The following DOCK2 variants were observed in gnomAD, a reference collection of about 807,000 sequenced individuals.
The protein encoded by DOCK2 is dedicator of cytokinesis protein 2.
A neutral mutation model predicts 248.9 loss-of-function variants in DOCK2; 87 were observed. The ratio of observed to expected loss-of-function variants is 0.35; its 90% confidence interval spans 0.29 to 0.42. DOCK2 has a LOEUF of 0.42. Among genes scored for constraint, DOCK2 ranks in the 10% least tolerant of loss-of-function variants. The probability of loss-of-function intolerance (pLI) is 1.00; values close to 1 mark genes in which losing one functional copy is unlikely to be tolerated. For missense variants in DOCK2, 1,747 were observed against 2,300.2 expected (o/e 0.76, Z 4.92); for synonymous variants, 805 against 821.6 (o/e 0.98, Z 0.35).
intron 26 of DOCK2, among the ~76,000 whole-genome samples, chr5:169,825,612 G>A (rs1463611920): frequency 3.3e-4 from 40 of 122,490 alleles, no homozygotes; most frequent in African/African-American, 1.1e-3. Context: ...ACACACTGGG[G>A]CCTGTTGTGG....
At chr5:169,815,672 G>A (rs1768026255) in intron 26 of DOCK2, among the ~76,000 whole-genome samples, 1 of 152,134 alleles carries the variant, frequency 6.6e-6, no homozygotes, top group African/African-American at 2.4e-5. Flanking sequence ...ATTGCATTAA[G>A]TGTTAATTTT....
chr5:169,693,634 A>G (rs1177673662), intron 9 of DOCK2, among the ~76,000 whole-genome samples: 1 of 152,166 alleles, frequency 6.6e-6, no homozygotes, highest in African/African-American at 2.4e-5. Context: ...TGCCTGCAGA[A>G]GAAGGCAAGG....
chr5:169,920,324 T>C (rs1049949243), intron 27 of DOCK2, among the ~76,000 whole-genome samples: 18 of 152,202 alleles, frequency 1.2e-4, no homozygotes, highest in African/African-American at 4.3e-4. Context: ...TTATATGCAA[T>C]TAGAAGTGTG....
rs199995403 is a variant in DOCK2 at position 170,008,571 on chromosome 5, C to T, written c.3147C>T (p.His1049=). 4.3e-5 allele frequency: 69 copies of T among 1,614,114 alleles called. No individual in the cohort carries two copies. Among genetic ancestry groups the T allele is most frequent in the South Asian group, 4.2e-4 (38 of 91,086 alleles). ...QDSLQLEQFS[H]AKYNKILNKY... ...CTCTGCAGCTGGAGCAGTTCTCACA[C>T]GCCAAATACAACAAAATCCTGAATA... Residue 1049 remains histidine, a synonymous_variant, in exon 31 of 52, where the codon CAC becomes CAT. Transcript: ENST00000520908.
chr5:170,022,395 T>C (rs1008364794), intron 33 of DOCK2, among the ~76,000 whole-genome samples: 1 of 152,212 alleles, frequency 6.6e-6, no homozygotes, highest in East Asian at 1.9e-4. Context: ...GTTTCTTTTA[T>C]AAGCTCTGTG....
chr5:169,692,565 C>A (rs1478217807), intron 9 of DOCK2, among the ~76,000 whole-genome samples: 1 of 149,110 alleles, frequency 6.7e-6, no homozygotes. Context: ...TGAGACAGCT[C>A]TAAGAGGTCT....
chr5:169,657,039 A>C (rs1220722971), intron 2 of DOCK2, among the ~76,000 whole-genome samples: 1 of 152,242 alleles, frequency 6.6e-6, no homozygotes, highest in Non-Finnish European at 1.5e-5. Flanking sequence ...ATAATTTATT[A>C]ATTATTTGAA....
intron 3 of DOCK2, among the ~76,000 whole-genome samples, chr5:169,669,794 CT>C: frequency 6.6e-6 from 1 of 152,320 alleles, no homozygotes; most frequent in South Asian, 2.1e-4. Context: ...CAGGCGCTTG[CT>C]TTGCTTGTCT....
chr5:169,645,078 G>C (rs1332279468), intron 1 of DOCK2, among the ~76,000 whole-genome samples: 2 of 152,126 alleles, frequency 1.3e-5, no homozygotes, highest in Non-Finnish European at 2.9e-5. Context: ...AGTGTTTGTT[G>C]TTGTAAATAG....
intron 25 of DOCK2, among the ~76,000 whole-genome samples, chr5:169,772,804 G>A (rs571127690): frequency 7.9e-5 from 12 of 152,188 alleles, no homozygotes; most frequent in East Asian, 3.9e-4. Flanking sequence ...CCCCCAGTAC[G>A]TCTCAGCATC....
intron 22 of DOCK2, among the ~76,000 whole-genome samples, chr5:169,737,717 C>T (rs1763110668): frequency 6.6e-6 from 1 of 152,142 alleles, no homozygotes; most frequent in Admixed American, 6.5e-5. Flanking sequence ...CTGAGAGAAC[C>T]CAGCAATTCC....
intron 27 of DOCK2, among the ~76,000 whole-genome samples, chr5:169,946,706 T>C (rs1409633916): frequency 6.6e-6 from 1 of 152,086 alleles, no homozygotes; most frequent in East Asian, 1.9e-4. Flanking sequence ...GGACAGACAA[T>C]AAACAAACCT....
At chr5:170,020,309 G>A (rs142551530) in intron 33 of DOCK2, among the ~76,000 whole-genome samples, 3 of 152,186 alleles carry the variant, frequency 2.0e-5, no homozygotes, top group Non-Finnish European at 2.9e-5. Flanking sequence ...CTGATCCTGC[G>A]AAGCCCATCC....
chr5:169,924,647 C>T lies in DOCK2; in HGVS notation c.2800-58421C>T, dbSNP rs964675989. On this transcript the variant is annotated intron_variant, in intron 27 of 51. Transcript: ENST00000520908. ...AACTAAGACTTCCTATTAGCAACCCCATCCTGCTTAAAAAATGGAGATTCC... is the reference window on the plus strand; with the variant it reads ...AACTAAGACTTCCTATTAGCAACCCTATCCTGCTTAAAAAATGGAGATTCC... 4.6e-5 allele frequency among the ~76,000 whole-genome samples: 7 copies of T among 152,300 alleles called. No homozygotes were observed. In the South Asian group the frequency reaches 1.2e-3, roughly 27 times the overall value.
chr5:169,924,463 T>C (rs1775333823), intron 27 of DOCK2, among the ~76,000 whole-genome samples: 1 of 152,206 alleles, frequency 6.6e-6, no homozygotes, highest in Admixed American at 6.5e-5. Context: ...TTTTCTCCAG[T>C]AGAAAGGACT....
At chr5:169,657,667 G>A (rs1758199417) in intron 2 of DOCK2, among the ~76,000 whole-genome samples, 1 of 152,214 alleles carries the variant, frequency 6.6e-6, no homozygotes, top group Admixed American at 6.5e-5. Flanking sequence ...GGTGGCATCA[G>A]AAGACTTTAT....
In DOCK2 at chr5:170,045,799, C is replaced by G; in HGVS notation, c.3877-17C>G. ...CGGTGGTGCCACCTCACCTTTGTCC[C>G]TGTGACCTTCCTGTAGATGTGGGAA... On this transcript the variant is annotated splice_polypyrimidine_tract_variant and intron_variant, in intron 38 of 51. Transcript: ENST00000520908. 6.2e-7 allele frequency: 1 copy of G among 1,613,760 alleles called. No homozygotes were observed. The highest frequency in any genetic ancestry group is 8.5e-7 in the Non-Finnish European group (1 of 1,179,708).
chr5:169,974,326 T>A (rs1777635740), intron 27 of DOCK2, among the ~76,000 whole-genome samples: 1 of 152,242 alleles, frequency 6.6e-6, no homozygotes, highest in African/African-American at 2.4e-5. Context: ...AGTGTACTTT[T>A]TAACAGCGTC....
In DOCK2 at chr5:169,877,991, A is replaced by G. The variant is rs556407738; in HGVS notation, c.2799+37139A>G. ...CTCTTATTATTTTCCTTTAAAACAT[A>G]TTGGAGACATTTTACAACTGAAACC... On this transcript the variant is annotated intron_variant, in intron 27 of 51. Coordinates refer to ENST00000520908, the MANE Select transcript of DOCK2 (RefSeq NM_004946.3). Among the ~76,000 whole-genome samples, 6 of 152,342 alleles carry G rather than the reference A, an allele frequency of 3.9e-5. No homozygotes were observed. In the South Asian group the frequency reaches 1.2e-3, roughly 32 times the overall value.
Sources: allele counts gnomAD v4.1 joint callset (sites outside exome capture counted in the v4.1 genomes callset), GRCh38; gene constraint gnomAD v4.1.1; transcripts MANE v1.5; gene names NCBI Gene and HGNC (gene_info 2026-07-23, HGNC 2026-07-21).